KALRN: variants seen among roughly 807,000 people sequenced by gnomAD.
KALRN encodes the protein kalirin RhoGEF kinase, also known as kalirin.
Under a neutral mutation model 353.7 loss-of-function variants are expected in KALRN, and 70 were observed. The observed-to-expected ratio is 0.20, with a 90% confidence interval of 0.16 to 0.24. The LOEUF (loss-of-function observed/expected upper bound fraction) is 0.24. Ranked by LOEUF, KALRN falls within the 10% of genes least tolerant of loss-of-function variation. The probability of loss-of-function intolerance (pLI) is 1.00; values close to 1 mark genes in which losing one functional copy is unlikely to be tolerated. For missense variants in KALRN, 2,791 were observed against 3,756.7 expected, an observed-to-expected ratio of 0.74 and a Z score of 6.72; for synonymous variants, 1,391 against 1,434.8, an observed-to-expected ratio of 0.97 and a Z score of 0.69.
intron 11 of KALRN, among the ~76,000 whole-genome samples, chr3:124,394,662 A>G (rs2089936114): frequency 6.6e-6 from 1 of 152,258 alleles, no homozygotes. Flanking sequence ...TGTACAGGTT[A>G]TGCTCAGTTA....
At chr3:124,483,213 A>G (rs976654267) in intron 28 of KALRN, among the ~76,000 whole-genome samples, 3 of 152,222 alleles carry the variant, frequency 2.0e-5, no homozygotes, top group African/African-American at 7.2e-5. Context: ...CCCTCCTTAC[A>G]GAAGCAGATT....
intron 15 of KALRN, among the ~76,000 whole-genome samples, chr3:124,428,535 A>G (rs1181202463): frequency 6.6e-6 from 1 of 152,122 alleles, no homozygotes; most frequent in African/African-American, 2.4e-5. Flanking sequence ...ATTTTATGTT[A>G]TTTCTCTACT....
In KALRN at chr3:124,396,486, C is replaced by T. The variant is rs536622949; in HGVS notation, c.2171+1143C>T. ...CAGCTTTGTGTGCCTCCCTAGGAAACTCCACTGTCATTTGCTTCCGAAGAG... is the reference window on the plus strand; with the variant it reads ...CAGCTTTGTGTGCCTCCCTAGGAAATTCCACTGTCATTTGCTTCCGAAGAG... On this transcript the variant is annotated intron_variant, in intron 12 of 59. Coordinates refer to ENST00000682506, the MANE Select transcript of KALRN (RefSeq NM_001388419.1). 2.2e-3 allele frequency among the ~76,000 whole-genome samples: 334 copies of T among 152,296 alleles called. 1 individual carries two copies. Among genetic ancestry groups the T allele is most frequent in the Middle Eastern group, 0.014 (4 of 294 alleles).
intron 1 of KALRN, among the ~76,000 whole-genome samples, chr3:124,209,609 A>G (rs928022882): frequency 7.2e-5 from 11 of 152,164 alleles, no homozygotes; most frequent in Non-Finnish European, 1.5e-4. Context: ...GAAATGCTAA[A>G]GGAATTTGCC....
At chr3:124,450,491 G>A (rs923779955) in intron 21 of KALRN, among the ~76,000 whole-genome samples, 4 of 151,982 alleles carry the variant, frequency 2.6e-5, no homozygotes, top group South Asian at 2.1e-4. Context: ...TTGTCAGATG[G>A]TACTTTAGAC....
chr3:124,484,477 G>T (rs2062331881), intron 28 of KALRN, among the ~76,000 whole-genome samples: 1 of 152,188 alleles, frequency 6.6e-6, no homozygotes, highest in Admixed American at 6.5e-5. Flanking sequence ...CACACCCTCG[G>T]CCTTTCCTGA....
chr3:124,646,391 C>CTTTTTTTTTTTTTTTTTTTTTTTTTTTTT lies in KALRN; in HGVS notation c.5665-4400_5665-4399insTTTTTTTTTTTTTTTTTTTTTTTTTTTTT, dbSNP rs10673161. Among the ~76,000 whole-genome samples the CTTTTTTTTTTTTTTTTTTTTTTTTTTTTT allele has an allele frequency of 7.8e-4, 86 of 110,440 alleles. 13 individuals carry two copies. The highest frequency in any genetic ancestry group is 2.8e-3 in the East Asian group (8 of 2,876). The allele number at this position is 110,440 out of a possible 152,430, so 72.5% of individuals were successfully genotyped here. ...GACTGCTAGAGGGATCTTTTGTTTA[C>CTTTTTTTTTTTTTTTTTTTTTTTTTTTTT]TTTTTTTTTTTTTTTTTGAGACAGA... On this transcript the variant is annotated intron_variant, in intron 37 of 59. Coordinates refer to ENST00000682506, the MANE Select transcript of KALRN (RefSeq NM_001388419.1).
At chr3:124,492,632 T>C in intron 31 of KALRN, 108 bp from the exon 32 acceptor site, 1 of 1,194,780 alleles carries the variant, frequency 8.4e-7, no homozygotes, top group Non-Finnish European at 1.2e-6. Flanking sequence ...TCCCCAGACA[T>C]TTGGAATCCT....
Position 124,721,596 on chromosome 3 carries a change from C to A in KALRN, c.*2126C>A, listed in dbSNP as rs1479617765. 6.6e-6 allele frequency: 1 copy of A among 152,088 alleles called. No individual in the cohort carries two copies. The allele number at this position is 152,088 out of a possible 1,614,324, so 9.4% of individuals were successfully genotyped here. A position where few individuals can be genotyped will look rare whatever the true frequency, so the allele number is the denominator to read the frequency against. On this transcript the variant is annotated 3_prime_UTR_variant, in exon 60 of 60. Coordinates refer to ENST00000682506, the MANE Select transcript of KALRN (RefSeq NM_001388419.1). ...AATTTAAAACATATTTACTAAAAAT[C>A]CTTTTAGTAAACAGTTTACTAAAAC...
intron 10 of KALRN, among the ~76,000 whole-genome samples, chr3:124,374,692 T>C (rs1412874260): frequency 6.6e-6 from 1 of 152,186 alleles, no homozygotes; most frequent in African/African-American, 2.4e-5. Flanking sequence ...AAGCCAACTG[T>C]CTTGTCTCTC....
intron 1 of KALRN, among the ~76,000 whole-genome samples, chr3:124,104,942 A>G (rs2062160193): frequency 6.6e-6 from 1 of 152,172 alleles, no homozygotes; most frequent in African/African-American, 2.4e-5. Flanking sequence ...GGATAGCTAA[A>G]GAAAAGGGGG....
At chr3:124,140,477 T>G (rs1292107625) in intron 1 of KALRN, among the ~76,000 whole-genome samples, 2 of 152,146 alleles carry the variant, frequency 1.3e-5, no homozygotes, top group Non-Finnish European at 2.9e-5. Context: ...CAGTTCAAGG[T>G]GCCCCAGATG....
chr3:124,422,657 C>T (rs2092832704), intron 14 of KALRN, among the ~76,000 whole-genome samples, 155 bp from the exon 15 acceptor site: 2 of 152,168 alleles, frequency 1.3e-5, no homozygotes, highest in South Asian at 2.1e-4. Flanking sequence ...AACAAGGGCG[C>T]ATTGTGGTGC....
chr3:124,652,818 C>A (rs1159457766), intron 38 of KALRN, among the ~76,000 whole-genome samples: 2 of 152,028 alleles, frequency 1.3e-5, no homozygotes, highest in Non-Finnish European at 2.9e-5. Flanking sequence ...ACCTCGTGAT[C>A]CGCCAGCCTC....
At chr3:124,468,747 T>G (rs1049471951) in intron 25 of KALRN, among the ~76,000 whole-genome samples, 1 of 152,226 alleles carries the variant, frequency 6.6e-6, no homozygotes, top group African/African-American at 2.4e-5. Context: ...ATTTTCTTAA[T>G]AGTCAAATGT....
intron 11 of KALRN, among the ~76,000 whole-genome samples, chr3:124,392,567 T>G (rs886689793): frequency 1.8e-4 from 15 of 81,548 alleles, no homozygotes; most frequent in Non-Finnish European, 2.8e-4. Flanking sequence ...GTTTTTTTTG[T>G]TTTTTTTTTT....
chr3:124,060,887 C>T (rs2041945471), intron 1 of KALRN, among the ~76,000 whole-genome samples: 1 of 152,144 alleles, frequency 6.6e-6, no homozygotes, highest in Non-Finnish European at 1.5e-5. Context: ...AGGCCTGGGG[C>T]CCCAGTGGTT....
intron 21 of KALRN, among the ~76,000 whole-genome samples, chr3:124,453,192 C>T (rs2107524228): frequency 6.6e-6 from 1 of 152,088 alleles, no homozygotes; most frequent in African/African-American, 2.4e-5. Flanking sequence ...CTATCTTAAC[C>T]AATTCTCCCT....
intron 1 of KALRN, among the ~76,000 whole-genome samples, chr3:124,083,403 C>T (rs1054017155): frequency 1.3e-5 from 2 of 152,094 alleles, no homozygotes; most frequent in Non-Finnish European, 2.9e-5. Flanking sequence ...AGAATTAACA[C>T]AGATAGCTAG....
Sources: gnomAD v4.1 joint callset for allele counts (sites outside exome capture counted in the v4.1 genomes callset) on GRCh38, gnomAD v4.1.1 for gene constraint, MANE v1.5 for transcripts, NCBI Gene and HGNC (gene_info 2026-07-23, HGNC 2026-07-21) for gene names.